The following GRIN2B variants were observed in gnomAD, a reference collection of about 807,000 sequenced individuals.
GRIN2B encodes glutamate receptor ionotropic, NMDA 2B.
GRIN2B carries 5 observed loss-of-function variants against 114.5 expected under a neutral mutation model. The observed-to-expected ratio is 0.04, with a 90% CI of 0.02 to 0.09. The LOEUF (loss-of-function observed/expected upper bound fraction) is 0.09. Among genes scored for constraint, GRIN2B ranks in the 10% least tolerant of loss-of-function variants. The pLI is 1.00. For synonymous variants in GRIN2B, 787 were observed against 745.1 expected, an observed-to-expected ratio of 1.06 and a Z score of -0.92; for missense variants, 1,108 against 1,943.5, an observed-to-expected ratio of 0.57 and a Z score of 8.08.
At chr12:13,695,838 A>G (rs1012907760) in intron 4 of GRIN2B, among the ~76,000 whole-genome samples, 17 of 151,940 alleles carry the variant, frequency 1.1e-4, no homozygotes, top group Admixed American at 9.2e-4. Context: ...AAGGGAAACA[A>G]TGCAAACCTG....
chr12:13,666,489 A>G (rs1044347287), intron 5 of GRIN2B, among the ~76,000 whole-genome samples: 5 of 152,148 alleles, frequency 3.3e-5, no homozygotes, highest in African/African-American at 1.2e-4. Flanking sequence ...AAATTATAAA[A>G]TCACCCTGAA....
intron 5 of GRIN2B, among the ~76,000 whole-genome samples, chr12:13,642,751 C>T (rs1397806041): frequency 1.3e-5 from 2 of 151,904 alleles, no homozygotes; most frequent in Non-Finnish European, 2.9e-5. Flanking sequence ...CTGTTATTTT[C>T]TCATGAGGTC....
intron 5 of GRIN2B, among the ~76,000 whole-genome samples, chr12:13,640,920 C>T (rs557095304): frequency 3.9e-5 from 6 of 152,188 alleles, no homozygotes; most frequent in East Asian, 1.9e-4. Flanking sequence ...TTAGTTGTTA[C>T]ACCAGGTTAC....
intron 10 of GRIN2B, among the ~76,000 whole-genome samples, chr12:13,607,306 T>A (rs1374105783): frequency 0.014 from 944 of 69,322 alleles, 60 homozygotes; most frequent in African/African-American, 0.054. Flanking sequence ...AAATATATAT[T>A]ATATATAATA....
At chr12:13,567,574 C>T (rs1396606074) in intron 12 of GRIN2B, among the ~76,000 whole-genome samples, 1 of 152,118 alleles carries the variant, frequency 6.6e-6, no homozygotes, top group Non-Finnish European at 1.5e-5. Flanking sequence ...TAAATAATCA[C>T]AATGACAAGC....
At chr12:13,708,796 T>G (rs1336285043) in intron 4 of GRIN2B, among the ~76,000 whole-genome samples, 1 of 152,116 alleles carries the variant, frequency 6.6e-6, no homozygotes, top group Admixed American at 6.6e-5. Flanking sequence ...TGTACACTAG[T>G]GTTTTCTTTG....
intron 4 of GRIN2B, among the ~76,000 whole-genome samples, chr12:13,729,917 C>T (rs1863055730): frequency 6.6e-6 from 1 of 151,756 alleles, no homozygotes; most frequent in Non-Finnish European, 1.5e-5. Context: ...AACAAAATGC[C>T]AGCATCTCTG....
rs186478873 is a variant in GRIN2B at position 13,956,617 on chromosome 12, C to T, written c.-19+23311G>A. On this transcript the variant is annotated intron_variant, in intron 2 of 13. Transcript: ENST00000609686. The stretch of plus-strand genomic sequence containing the variant: ...ACTCTGGGTGCCCTGTGTGGGCTCA[C>T]ATCTGTCTGCCCAGCAACGAGCCGC... Among the ~76,000 whole-genome samples the T allele has an allele frequency of 2.0e-5, 3 of 152,296 alleles. No homozygotes were observed. In the East Asian group the frequency reaches 5.8e-4, roughly 29 times the overall value.
chr12:13,780,490 C>T (rs1282839343), intron 3 of GRIN2B, among the ~76,000 whole-genome samples: 1 of 152,138 alleles, frequency 6.6e-6, no homozygotes, highest in African/African-American at 2.4e-5. Flanking sequence ...CAAAGAATAG[C>T]AGATGCACTA....
intron 4 of GRIN2B, among the ~76,000 whole-genome samples, chr12:13,680,183 A>C (rs1472749830): frequency 6.6e-6 from 1 of 152,164 alleles, no homozygotes; most frequent in Non-Finnish European, 1.5e-5. Context: ...ACTTTCCATA[A>C]GACCTGAAAA....
At chr12:13,653,430 A>C (rs1949836394) in intron 5 of GRIN2B, among the ~76,000 whole-genome samples, 1 of 152,082 alleles carries the variant, frequency 6.6e-6, no homozygotes, top group South Asian at 2.1e-4. Context: ...ATTTTTCATG[A>C]AGTCTGTGTA....
chr12:13,888,334 C>T (rs1010154463), intron 2 of GRIN2B, among the ~76,000 whole-genome samples: 5 of 151,956 alleles, frequency 3.3e-5, no homozygotes, highest in Admixed American at 2.6e-4. Context: ...TAGCCTGTTA[C>T]TGTGCTGAAT....
intron 5 of GRIN2B, among the ~76,000 whole-genome samples, chr12:13,643,597 C>T (rs1949739043): frequency 6.6e-6 from 1 of 152,078 alleles, no homozygotes; most frequent in Non-Finnish European, 1.5e-5. Context: ...ACAATTGACT[C>T]TTCCTTTCAT....
chr12:13,595,826 A>G (rs764747708), intron 10 of GRIN2B, among the ~76,000 whole-genome samples: 7 of 152,190 alleles, frequency 4.6e-5, no homozygotes, highest in Non-Finnish European at 1.0e-4. Context: ...AAAGGGATTT[A>G]TAGGTAGTTG....
rs1047139524 is a variant in GRIN2B, at chr12:13,740,638, A to G, written c.1010+12679T>C. On this transcript the variant is annotated intron_variant, in intron 4 of 13. Coordinates refer to ENST00000609686, the MANE Select transcript of GRIN2B (RefSeq NM_000834.5). The stretch of plus-strand genomic sequence containing the variant: ...AGAGGCCAAGGTCTTGTTTTGTTCT[A>G]TTGCATGTCCCTGACAGTATTTTCA... 8.2e-4 allele frequency among the ~76,000 whole-genome samples: 124 copies of G among 152,090 alleles called. 6 individuals are homozygous for G. The highest frequency in any genetic ancestry group is 1.5e-5 in the Non-Finnish European group (1 of 68,026).
At position 13,753,715 on chromosome 12, in the gene GRIN2B, T is replaced by G. The variant is rs1211007071; in HGVS notation, c.612A>C (p.Leu204=). ...CTCCATCGTCCAGGGACATGTCCAG[T>G]AGGAGGACCTCCTCTAGCTCCCAGC... The part of the protein sequence containing the change: ...FVGWELEEVL[L]LDMSLDDGDS... Residue 204 remains leucine (L), a synonymous_variant, in exon 4 of 14, where the codon CTA becomes CTC. Transcript: ENST00000609686. This position sits in a 1 kb window ranked among gnomAD's most constrained non-coding sequence, Gnocchi z 6.2. 3.1e-6 allele frequency: 5 copies of G among 1,614,124 alleles called. 1 individual carries two copies. In the South Asian group the frequency reaches 4.4e-5, roughly 14 times the overall value.
chr12:13,678,654 C>G (rs2136543538), intron 4 of GRIN2B, among the ~76,000 whole-genome samples: 1 of 152,216 alleles, frequency 6.6e-6, no homozygotes, highest in East Asian at 1.9e-4. Context: ...CCACTTCTTG[C>G]CCTGTTCCTC....
chr12:13,590,082 G>T (rs902231983), intron 10 of GRIN2B, among the ~76,000 whole-genome samples: 1 of 151,910 alleles, frequency 6.6e-6, no homozygotes, highest in Non-Finnish European at 1.5e-5. Context: ...TGAAACTAAG[G>T]CTCTTCTCTA....
At chr12:13,708,416 G>T (rs905847673) in intron 4 of GRIN2B, among the ~76,000 whole-genome samples, 6 of 151,998 alleles carry the variant, frequency 3.9e-5, no homozygotes, top group Non-Finnish European at 1.5e-5. Flanking sequence ...TTTTCCATAC[G>T]AAGATCATTT....
Sources: allele counts gnomAD v4.1 joint callset (sites outside exome capture counted in the v4.1 genomes callset), GRCh38; gene constraint gnomAD v4.1.1; non-coding constraint Gnocchi (gnomAD v3.1); transcripts MANE v1.5; gene names NCBI Gene and HGNC (gene_info 2026-07-23, HGNC 2026-07-21).